Variants in PRKAB1 observed in about 807,000 individuals in gnomAD.
The protein encoded by PRKAB1 is 5'-AMP-activated protein kinase subunit beta-1.
PRKAB1 carries 18 observed loss-of-function variants against 32.0 expected under a neutral mutation model. The observed-to-expected ratio is 0.56, with a 90% confidence interval of 0.39 to 0.83. PRKAB1 has a LOEUF of 0.83. Ranked by LOEUF, PRKAB1 falls within the 40% of genes least tolerant of loss-of-function variation. PRKAB1 has a pLI of 0.00. For missense variants in PRKAB1, 263 were observed against 352.6 expected, an observed-to-expected ratio of 0.75 and a Z score of 2.03; for synonymous variants, 141 against 141.4, an observed-to-expected ratio of 1.00 and a Z score of 0.02.
In PRKAB1 at chr12:119,674,177, G is replaced by A; in HGVS notation, c.417+120G>A. 2 of 1,072,530 alleles carry A rather than the reference G, an allele frequency of 1.9e-6. No homozygotes were observed. The highest frequency in any genetic ancestry group is 4.9e-5 in the East Asian group (2 of 40,888). The allele number at this position is 1,072,530 out of a possible 1,614,324, so 66.4% of individuals were successfully genotyped here. A position where few individuals can be genotyped will look rare whatever the true frequency, so the allele number is the denominator to read the frequency against. On this transcript the variant is annotated intron_variant, in intron 3 of 6. Coordinates refer to ENST00000229328, the MANE Select transcript of PRKAB1 (RefSeq NM_006253.5). This position sits in a 1 kb window ranked among gnomAD's most constrained non-coding sequence, Gnocchi z 4.3. ...AGTAAAAGTCCCCGTGTGTGGCAGAGCTGAGTAGCAGCACTACCTGTCAGA... is the reference window on the plus strand; with the variant it reads ...AGTAAAAGTCCCCGTGTGTGGCAGAACTGAGTAGCAGCACTACCTGTCAGA...
At chr12:119,678,334 C>G (rs1373445953) in intron 5 of PRKAB1, 1 of 152,184 alleles carries the variant, frequency 6.6e-6, no homozygotes, top group Non-Finnish European at 1.5e-5. Flanking sequence ...GAAGTAGGTG[C>G]AATTATTACC....
chr12:119,676,941 A>G (rs544020713), intron 5 of PRKAB1, among the ~76,000 whole-genome samples: 21 of 152,318 alleles, frequency 1.4e-4, no homozygotes, highest in African/African-American at 4.8e-4. Flanking sequence ...TTTACATTTC[A>G]TGACAAACTG....
chr12:119,675,716 G>A (rs1344919686), intron 4 of PRKAB1, among the ~76,000 whole-genome samples: 1 of 152,180 alleles, frequency 6.6e-6, no homozygotes, highest in African/African-American at 2.4e-5. Flanking sequence ...GTTTCTTGCT[G>A]TGATATGGTT....
intron 6 of PRKAB1, 25 bp from the exon 7 acceptor site, chr12:119,680,223 T>C (rs911559422): frequency 6.2e-7 from 1 of 1,609,412 alleles, no homozygotes. Context: ...GTCCAGCCTT[T>C]GATCATTTCC....
Position 119,680,844 on chromosome 12 carries a change from C to T in PRKAB1, c.*519C>T, listed in dbSNP as rs1291678676. On this transcript the variant is annotated 3_prime_UTR_variant, in exon 7 of 7. Transcript: ENST00000229328. ...CTTCAAAATCAACAACAGATTGTCT[C>T]TCGGCTCCAGGGAGGTGTCATTTCT... The T allele has an allele frequency of 6.5e-6, 1 of 153,466 alleles. No individual in the cohort carries two copies. The highest frequency in any genetic ancestry group is 1.5e-5 in the Non-Finnish European group (1 of 68,934). The allele number at this position is 153,466 out of a possible 1,614,324, so 9.5% of individuals were successfully genotyped here. A position where few individuals can be genotyped will look rare whatever the true frequency, so the allele number is the denominator to read the frequency against.
chr12:119,670,028 G>T (rs1012822931), intron 1 of PRKAB1: 2 of 152,206 alleles, frequency 1.3e-5, no homozygotes, highest in Non-Finnish European at 2.9e-5. Context: ...AAGCAGGCCA[G>T]TGCAAACATT....
chr12:119,676,772 G>A, intron 5 of PRKAB1, 102 bp downstream of exon 5: 2 of 1,428,510 alleles, frequency 1.4e-6, no homozygotes, highest in South Asian at 1.3e-5. Context: ...AGCAAGCTCA[G>A]TGTCACCCCC....
At chr12:119,669,126 A>C (rs1352981696) in intron 1 of PRKAB1, among the ~76,000 whole-genome samples, 4 of 148,596 alleles carry the variant, frequency 2.7e-5, no homozygotes, top group Non-Finnish European at 3.0e-5. Flanking sequence ...CAAAAAAAAA[A>C]TATAAATAAA....
chr12:119,674,226 G>C lies in PRKAB1; in HGVS notation c.418-114G>C. 1 of 1,040,216 alleles carries C rather than the reference G, an allele frequency of 9.6e-7. No homozygotes were observed. Among genetic ancestry groups the C allele is most frequent in the Non-Finnish European group, 1.4e-6 (1 of 692,976 alleles). The allele number at this position is 1,040,216 out of a possible 1,614,324, so 64.4% of individuals were successfully genotyped here. A position where few individuals can be genotyped will look rare whatever the true frequency, so the allele number is the denominator to read the frequency against. On this transcript the variant is annotated intron_variant, in intron 3 of 6. Transcript: ENST00000229328. The surrounding 1 kb of genome is among the most constrained non-coding windows in gnomAD (Gnocchi z 4.3). The stretch of plus-strand genomic sequence containing the variant: ...GACAGTTGGCATACTTGACCAAGAT[G>C]AGCAGGGTGGCTAGCCAGGAGATGA...
rs550881108 is a variant in PRKAB1 at position 119,668,458 on chromosome 12, C to T, written c.159+55C>T. 29 of 1,585,268 alleles carry T rather than the reference C, an allele frequency of 1.8e-5. No homozygotes were observed. In the Admixed American group the frequency reaches 3.3e-4, roughly 18 times the overall value. The stretch of plus-strand genomic sequence containing the variant: ...CCTTGACTAATGTTGAGGAGAGGAA[C>T]CCTCCACTAGATTCCCGTCACATCC... On this transcript the variant is annotated intron_variant, in intron 1 of 6. Transcript: ENST00000229328.
rs141462205 is a variant in PRKAB1, at chr12:119,679,902, A to T, written c.667-31A>T. 1.1e-5 allele frequency: 18 copies of T among 1,609,942 alleles called. 1 individual carries two copies. In the South Asian group the frequency reaches 2.0e-4, roughly 18 times the overall value. On this transcript the variant is annotated intron_variant, in intron 5 of 6. Transcript: ENST00000229328. This position sits in a 1 kb window ranked among gnomAD's most constrained non-coding sequence, Gnocchi z 4.1. ...GGAGAATCTTGGTTTCCAAATCCCA[A>T]ATGCTCACCGCTGCCTTTGTTCCCT...
intron 5 of PRKAB1, chr12:119,678,811 G>T (rs1190055012): frequency 6.6e-6 from 1 of 152,252 alleles, no homozygotes; most frequent in African/African-American, 2.4e-5. Context: ...TAGAGCTGCA[G>T]TGAACGTGGG....
Position 119,680,003 on chromosome 12 carries a change from T to G in PRKAB1, c.735+2T>G. 1 of 1,611,838 alleles carries G rather than the reference T, an allele frequency of 6.2e-7. No homozygotes were observed. The highest frequency in any genetic ancestry group is 8.5e-7 in the Non-Finnish European group (1 of 1,177,896). On this transcript the variant is annotated splice_donor_variant, in intron 6 of 6. Transcript: ENST00000229328. LOFTEE classifies it high-confidence loss of function. ...CACCTATACGCGCTGTCTATCAAGGTAATGACATGTCTGTCCCCATGAGAG... is the reference window on the plus strand; with the variant it reads ...CACCTATACGCGCTGTCTATCAAGGGAATGACATGTCTGTCCCCATGAGAG...
In PRKAB1 at chr12:119,668,358, G is replaced by A. The variant is rs371815177; in HGVS notation, c.114G>A (p.Met38Ile). 1.9e-6 allele frequency: 3 copies of A among 1,613,418 alleles called. No individual in the cohort carries two copies. In the African/African-American group the frequency reaches 4.0e-5, roughly 22 times the overall value. ...TKDGDRPKIL[M>I]DSPEDADLFH... The stretch of plus-strand genomic sequence containing the variant: ...ACGGGGACAGGCCCAAGATCCTGAT[G>A]GACAGCCCCGAAGACGCCGACCTCT... Residue 38 changes from methionine to isoleucine, a missense_variant, in exon 1 of 7, where the codon ATG becomes ATA. Physicochemically the swap from Met to Ile is conservative, Grantham distance 10 (BLOSUM62 1). Transcript: ENST00000229328.
chr12:119,674,414 T>G lies in PRKAB1; in HGVS notation c.492T>G (p.Asp164Glu), dbSNP rs769042774. The change falls in exon 4 of 7, where the codon GAT becomes GAG. Residue 164 changes from aspartate to glutamate, a missense_variant. By Grantham distance (45) the Asp-to-Glu change is conservative. Transcript: ENST00000229328. This position sits in a 1 kb window ranked among gnomAD's most constrained non-coding sequence, Gnocchi z 4.3. ...AGAAAACTGACTTTGAAGTATTTGA[T>G]GCTTTAATGGTGGATTCCCAAAAGT... ...QVKKTDFEVF[D>E]ALMVDSQKCS... 6.9e-5 allele frequency: 112 copies of G among 1,614,200 alleles called. 4 individuals are homozygous for G. The South Asian group carries it at 1.2e-3, about 18-fold the overall frequency.
chr12:119,672,901 A>G, intron 2 of PRKAB1, among the ~76,000 whole-genome samples: 1 of 152,246 alleles, frequency 6.6e-6, no homozygotes, highest in Non-Finnish European at 1.5e-5. Context: ...CTGAGGTTTC[A>G]TCTAACTTTG....
chr12:119,679,673 T>C lies in PRKAB1; in HGVS notation c.667-260T>C. 2.0e-6 allele frequency: 1 copy of C among 488,176 alleles called. No individual in the cohort carries two copies. The highest frequency in any genetic ancestry group is 3.8e-6 in the Non-Finnish European group (1 of 265,796). 30.2% of individuals were successfully genotyped at this position (488,176 alleles called of 1,614,324 possible). On this transcript the variant is annotated intron_variant, in intron 5 of 6. Transcript: ENST00000229328. This position sits in a 1 kb window ranked among gnomAD's most constrained non-coding sequence, Gnocchi z 4.1. ...AAGAGGACAGGGCCGTGGCCCACACTTGAAAGAGGCCGGGGTAAATGCCTG... is the reference window on the plus strand; with the variant it reads ...AAGAGGACAGGGCCGTGGCCCACACCTGAAAGAGGCCGGGGTAAATGCCTG...
At chr12:119,670,488 G>A (rs766902226) in intron 1 of PRKAB1, among the ~76,000 whole-genome samples, 4 of 152,216 alleles carry the variant, frequency 2.6e-5, no homozygotes, top group Non-Finnish European at 4.4e-5. Context: ...TTGAAGAGCT[G>A]TGTGCAAAGT....
Position 119,680,018 on chromosome 12 carries a change from C to T in PRKAB1, c.735+17C>T. On this transcript the variant is annotated intron_variant, in intron 6 of 6. Coordinates refer to ENST00000229328, the MANE Select transcript of PRKAB1 (RefSeq NM_006253.5). ...TCTATCAAGGTAATGACATGTCTGT[C>T]CCCATGAGAGCTGTGTTGCCCAGTG... The T allele has an allele frequency of 6.2e-7, 1 of 1,607,216 alleles. No homozygotes were observed. Among genetic ancestry groups the T allele is most frequent in the Non-Finnish European group, 8.5e-7 (1 of 1,173,728 alleles).
Sources: allele counts gnomAD v4.1 joint callset (sites outside exome capture counted in the v4.1 genomes callset), GRCh38; gene constraint gnomAD v4.1.1; non-coding constraint Gnocchi (gnomAD v3.1); transcripts MANE v1.5; gene names NCBI Gene and HGNC (gene_info 2026-07-23, HGNC 2026-07-21).